The following PIK3C2G variants were observed in gnomAD, a reference collection of about 807,000 sequenced individuals.
PIK3C2G encodes phosphatidylinositol 3-kinase C2 domain-containing subunit gamma.
Under a neutral mutation model 181.1 loss-of-function variants are expected in PIK3C2G, and 168 were observed. That is an observed-to-expected ratio of 0.93 (90% CI 0.82 to 1.05). PIK3C2G has a LOEUF of 1.05. Ranked by LOEUF, PIK3C2G falls within the 50% of genes least tolerant of loss-of-function variation. PIK3C2G has a pLI of 0.00. For missense variants in PIK3C2G, 1,869 were observed against 1,732.8 expected (o/e 1.08, Z -1.40); for synonymous variants, 573 against 592.2 (o/e 0.97, Z 0.47).
chr12:18,245,920 C>A (rs1948035167), upstream of PIK3C2G, among the ~76,000 whole-genome samples: 1 of 152,044 alleles, frequency 6.6e-6, no homozygotes, highest in Admixed American at 6.6e-5. Context: ...TGCCACTAGT[C>A]GAATATTGCA....
chr12:18,558,052 G>A (rs985160), intron 26 of PIK3C2G, among the ~76,000 whole-genome samples: 2 of 152,102 alleles, frequency 1.3e-5, no homozygotes, highest in Admixed American at 1.3e-4. Context: ...GAATAGTGAA[G>A]AGCCCCCTAA....
At chr12:18,380,923 T>C (rs1270735503) in intron 13 of PIK3C2G, among the ~76,000 whole-genome samples, 1 of 152,206 alleles carries the variant, frequency 6.6e-6, no homozygotes, top group Non-Finnish European at 1.5e-5. Flanking sequence ...TTAAAGTTCT[T>C]TATAAACTTA....
chr12:18,561,447 C>A (rs1945338760), intron 26 of PIK3C2G, among the ~76,000 whole-genome samples: 1 of 152,078 alleles, frequency 6.6e-6, no homozygotes, highest in South Asian at 2.1e-4. Flanking sequence ...CCACTGTATT[C>A]CAGCCTGGGT....
chr12:18,533,913 C>A (rs1314018605), intron 24 of PIK3C2G, among the ~76,000 whole-genome samples: 1 of 145,354 alleles, frequency 6.9e-6, no homozygotes, highest in East Asian at 2.1e-4. Context: ...AAGTAATAAA[C>A]AGCAAACTAT....
intron 18 of PIK3C2G, among the ~76,000 whole-genome samples, chr12:18,468,556 GT>G (rs1938141960): frequency 6.6e-6 from 1 of 151,996 alleles, no homozygotes. Context: ...GACTGACACA[GT>G]TTCTTAAACT....
At chr12:18,484,198 G>A (rs576598422) in intron 18 of PIK3C2G, among the ~76,000 whole-genome samples, 2 of 152,258 alleles carry the variant, frequency 1.3e-5, no homozygotes, top group Admixed American at 1.3e-4. Context: ...AAAGAGTCTA[G>A]AGGTATAATC....
At chr12:18,502,634 G>C (rs1482234482) in intron 22 of PIK3C2G, among the ~76,000 whole-genome samples, 1 of 152,084 alleles carries the variant, frequency 6.6e-6, no homozygotes, top group Non-Finnish European at 1.5e-5. Context: ...CACAATAAAA[G>C]AAAGCCTTGA....
the PIK3C2G span, among the ~76,000 whole-genome samples, chr12:18,724,345 A>G: frequency 6.6e-6 from 1 of 152,216 alleles, no homozygotes; most frequent in Non-Finnish European, 1.5e-5. Flanking sequence ...AGATAACTCA[A>G]GAATGACTGG....
chr12:18,436,531 G>A (rs1359292177), intron 18 of PIK3C2G, among the ~76,000 whole-genome samples: 1 of 151,860 alleles, frequency 6.6e-6, no homozygotes. Context: ...TGCACTGTGA[G>A]GACAAAACTT....
intron 18 of PIK3C2G, among the ~76,000 whole-genome samples, chr12:18,458,628 G>T (rs1261865438): frequency 6.6e-6 from 1 of 152,038 alleles, no homozygotes; most frequent in African/African-American, 2.4e-5. Context: ...ATATGGCAAA[G>T]GACAGATTAT....
the PIK3C2G span, among the ~76,000 whole-genome samples, chr12:18,668,182 A>C: frequency 6.6e-6 from 1 of 152,188 alleles, no homozygotes; most frequent in Non-Finnish European, 1.5e-5. Context: ...AAAGAAAAAA[A>C]GTCCAGTCAT....
intron 19 of PIK3C2G, among the ~76,000 whole-genome samples, chr12:18,490,111 A>G (rs1209509007): frequency 6.6e-6 from 1 of 152,168 alleles, no homozygotes; most frequent in African/African-American, 2.4e-5. Context: ...GCATAACTAT[A>G]TGAACTGGGA....
At chr12:18,684,414 T>C in the PIK3C2G span, 1 of 756,308 alleles carries the variant, frequency 1.3e-6, no homozygotes, top group Non-Finnish European at 2.1e-6. Context: ...CATAGGTTTT[T>C]AATATACTCA....
intron 29 of PIK3C2G, among the ~76,000 whole-genome samples, chr12:18,567,320 G>A (rs907358624): frequency 2.0e-4 from 30 of 152,108 alleles, no homozygotes; most frequent in African/African-American, 7.2e-4. Flanking sequence ...AATCATTTGA[G>A]CCCAGGAGTT....
rs756311274 is a variant in PIK3C2G at position 18,546,305 on chromosome 12, G to C, written c.3481-18G>C. On this transcript the variant is annotated intron_variant, in intron 25 of 32. Coordinates refer to ENST00000538779, the MANE Select transcript of PIK3C2G (RefSeq NM_001288772.2). Reference sequence around the variant, plus strand: ...ATTCTGTCTTCTTTTTGCTTTGCTTGTTCTTGTTGTGGTTAAGATGCTGTA... The same window carrying C: ...ATTCTGTCTTCTTTTTGCTTTGCTTCTTCTTGTTGTGGTTAAGATGCTGTA... 5 of 1,382,394 alleles carry C rather than the reference G, an allele frequency of 3.6e-6. No individual in the cohort carries two copies. The Admixed American group carries it at 7.4e-5, about 21-fold the overall frequency. 85.6% of individuals were successfully genotyped at this position (1,382,394 alleles called of 1,614,324 possible). A position where few individuals can be genotyped will look rare whatever the true frequency, so the allele number is the denominator to read the frequency against.
At position 18,635,258 on chromosome 12, in the gene PIK3C2G, C is replaced by T. The variant is rs747967851; in HGVS notation, c.4183-5171C>T. ...AGGGAACTCTTTATGAGGCCACGGG[C>T]GCAGTCTGGAGGAAAGAAGTCAGTG... On this transcript the variant is annotated intron_variant, in intron 31 of 32. Transcript: ENST00000538779. Among the ~76,000 whole-genome samples the T allele has an allele frequency of 3.7e-4, 56 of 152,304 alleles. No homozygotes were observed. The Middle Eastern group carries it at 0.01, about 28-fold the overall frequency.
At chr12:18,399,616 C>G in intron 15 of PIK3C2G, 43 bp from the exon 16 acceptor site, 2 of 1,272,820 alleles carry the variant, frequency 1.6e-6, no homozygotes, top group Non-Finnish European at 1.1e-6. Context: ...TTTGTTAGTG[C>G]AGCAAACTCC....
intron 26 of PIK3C2G, among the ~76,000 whole-genome samples, chr12:18,558,824 T>A (rs1309209036): frequency 1.3e-5 from 2 of 152,236 alleles, no homozygotes; most frequent in Admixed American, 6.5e-5. Context: ...TATTTCCTAT[T>A]TTCTTTTATA....
In PIK3C2G at chr12:18,268,854, T is replaced by G. The variant is rs547869333; in HGVS notation, c.-79+7277T>G. On this transcript the variant is annotated intron_variant, in intron 1 of 32. Transcript: ENST00000538779. ...TTCTAGATCTTTCTCTAAATCATATTCTTATCAAATATATCATTCACCATA... is the reference window on the plus strand; with the variant it reads ...TTCTAGATCTTTCTCTAAATCATATGCTTATCAAATATATCATTCACCATA... Among the ~76,000 whole-genome samples the G allele has an allele frequency of 8.2e-4, 125 of 152,288 alleles. 1 individual carries two copies. In the South Asian group the frequency reaches 0.026, roughly 31 times the overall value.
Sources: gnomAD v4.1 joint callset for allele counts (sites outside exome capture counted in the v4.1 genomes callset) on GRCh38, gnomAD v4.1.1 for gene constraint, MANE v1.5 for transcripts, NCBI Gene and HGNC (gene_info 2026-07-23, HGNC 2026-07-21) for gene names.